CCDC178: variants seen among roughly 807,000 people sequenced by gnomAD.
CCDC178 encodes the protein coiled-coil domain containing 178, also known as coiled-coil domain-containing protein 178.
In CCDC178, 126 loss-of-function variants were observed where a neutral mutation model predicts 117.4. The ratio of observed to expected loss-of-function variants is 1.07; its 90% confidence interval spans 0.93 to 1.24. The LOEUF is 1.24. CCDC178 is among the 50% of genes most tolerant of loss of function. CCDC178 has a pLI of 0.00. For synonymous variants in CCDC178, 283 were observed against 313.4 expected (o/e 0.90, Z 1.02); for missense variants, 1,030 against 986.9 (o/e 1.04, Z -0.59).
chr18:33,268,811 A>T (rs947000948), intron 12 of CCDC178, among the ~76,000 whole-genome samples: 3 of 151,830 alleles, frequency 2.0e-5, no homozygotes, highest in African/African-American at 7.2e-5. Context: ...AAAAACTGAT[A>T]AAAAAATGTC....
At chr18:33,302,580 C>T (rs889290110) in intron 11 of CCDC178, among the ~76,000 whole-genome samples, 2 of 152,182 alleles carry the variant, frequency 1.3e-5, no homozygotes, top group African/African-American at 4.8e-5. Flanking sequence ...TTCATCACTA[C>T]ACTATGCACA....
intron 4 of CCDC178, among the ~76,000 whole-genome samples, chr18:33,393,272 C>T (rs1042087504): frequency 2.6e-5 from 4 of 152,042 alleles, no homozygotes; most frequent in Non-Finnish European, 5.9e-5. Context: ...TAATGTAAGT[C>T]ATTCTGCAAG....
intron 2 of CCDC178, among the ~76,000 whole-genome samples, chr18:33,436,735 TG>T (rs2064297167): frequency 6.6e-6 from 1 of 152,208 alleles, no homozygotes; most frequent in African/African-American, 2.4e-5. Flanking sequence ...CAGTGGAGCC[TG>T]GGGGAGGAAG....
In CCDC178 at chr18:33,063,768, C is replaced by T. The variant is rs188429397; in HGVS notation, c.2388+28993G>A. ...TGCCACCACTAGTGCCCCTGTATACCACCTGGAGTTCTGAAGACTGGCATG... is the reference window on the plus strand; with the variant it reads ...TGCCACCACTAGTGCCCCTGTATACTACCTGGAGTTCTGAAGACTGGCATG... On this transcript the variant is annotated intron_variant, in intron 21 of 22. Transcript: ENST00000383096. Among the ~76,000 whole-genome samples, 10 of 152,300 alleles carry T rather than the reference C, an allele frequency of 6.6e-5. No individual in the cohort carries two copies. In the East Asian group the frequency reaches 1.9e-3, roughly 29 times the overall value.
chr18:33,324,185 TTCTG>T (rs1448316480), intron 10 of CCDC178, among the ~76,000 whole-genome samples: 2 of 151,932 alleles, frequency 1.3e-5, no homozygotes, highest in East Asian at 3.8e-4. Flanking sequence ...CATCTCTTCC[TTCTG>T]TCTCTCTCTC....
chr18:33,195,836 C>T (rs558546630), intron 20 of CCDC178, among the ~76,000 whole-genome samples: 7 of 152,268 alleles, frequency 4.6e-5, no homozygotes, highest in East Asian at 1.9e-4. Flanking sequence ...TGGAAATGTA[C>T]GATCTATGGA....
At chr18:33,384,129 C>T (rs1191600096) in intron 5 of CCDC178, among the ~76,000 whole-genome samples, 1 of 151,962 alleles carries the variant, frequency 6.6e-6, no homozygotes. Flanking sequence ...TGAAGACTAT[C>T]TTGCAGAAAT....
chr18:33,106,467 G>T (rs549312335), intron 20 of CCDC178, among the ~76,000 whole-genome samples: 3 of 151,762 alleles, frequency 2.0e-5, no homozygotes, highest in African/African-American at 7.2e-5. Context: ...ATGCAGTCAG[G>T]CACTGAAATT....
chr18:33,336,761 TAAATAC>T (rs1320600498), intron 9 of CCDC178, among the ~76,000 whole-genome samples: 1 of 152,046 alleles, frequency 6.6e-6, no homozygotes, highest in African/African-American at 2.4e-5. Context: ...GATAAAATTT[TAAATAC>T]AAATTAAACA....
intron 5 of CCDC178, among the ~76,000 whole-genome samples, chr18:33,377,360 T>C (rs2063380629): frequency 8.1e-6 from 1 of 123,380 alleles, no homozygotes; most frequent in African/African-American, 2.8e-5. Context: ...GTCAGATGCA[T>C]AGTTTGTGAA....
chr18:33,230,579 G>A (rs1204608713), intron 15 of CCDC178, among the ~76,000 whole-genome samples: 1 of 152,122 alleles, frequency 6.6e-6, no homozygotes, highest in East Asian at 1.9e-4. Context: ...GAATTAAATT[G>A]TAAAAGTTTC....
At chr18:33,356,409 G>C in intron 6 of CCDC178, 63 bp from the exon 7 acceptor site, 1 of 1,359,702 alleles carries the variant, frequency 7.4e-7, no homozygotes, top group Non-Finnish European at 9.9e-7. Context: ...CTGAATAAAT[G>C]TCACTTAAAC....
At chr18:33,440,976 T>G (rs1051243033), upstream of CCDC178, 1 of 152,038 alleles carries the variant, frequency 6.6e-6, no homozygotes, top group African/African-American at 2.4e-5. Flanking sequence ...TGGAGACGAG[T>G]CAACGCCCCT....
intron 16 of CCDC178, among the ~76,000 whole-genome samples, chr18:33,225,722 T>C (rs1353695230): frequency 2.0e-5 from 3 of 152,084 alleles, no homozygotes; most frequent in African/African-American, 7.2e-5. Context: ...AACATACGTA[T>C]AGAAATAAAT....
intron 21 of CCDC178, among the ~76,000 whole-genome samples, chr18:33,048,184 T>C (rs1002372306): frequency 6.6e-6 from 1 of 152,160 alleles, no homozygotes; most frequent in African/African-American, 2.4e-5. Context: ...CTCTAGCATC[T>C]TCAGAGGGAG....
chr18:33,280,001 A>G (rs1206791057), intron 12 of CCDC178, among the ~76,000 whole-genome samples: 1 of 151,766 alleles, frequency 6.6e-6, no homozygotes, highest in African/African-American at 2.4e-5. Flanking sequence ...TAAAAACCCT[A>G]GAAGGAAACC....
intron 20 of CCDC178, among the ~76,000 whole-genome samples, chr18:33,163,869 A>G (rs2144393318): frequency 6.6e-6 from 1 of 152,336 alleles, no homozygotes; most frequent in Non-Finnish European, 1.5e-5. Context: ...ATCATATTGC[A>G]TAAAATCAAT....
intron 21 of CCDC178, among the ~76,000 whole-genome samples, chr18:32,998,414 A>G (rs2055563256): frequency 6.6e-6 from 1 of 152,140 alleles, no homozygotes; most frequent in Non-Finnish European, 1.5e-5. Context: ...TGAGGACTGT[A>G]ATTCTTGAGC....
chr18:33,014,650 C>G (rs2055941375), intron 21 of CCDC178, among the ~76,000 whole-genome samples: 1 of 151,826 alleles, frequency 6.6e-6, no homozygotes, highest in Non-Finnish European at 1.5e-5. Flanking sequence ...GTATGTATAA[C>G]ACACACACAC....
Sources: allele counts gnomAD v4.1 joint callset (sites outside exome capture counted in the v4.1 genomes callset), GRCh38; gene constraint gnomAD v4.1.1; transcripts MANE v1.5; gene names NCBI Gene and HGNC (gene_info 2026-07-23, HGNC 2026-07-21).